Variants in KSR2 observed in about 807,000 individuals in gnomAD.
KSR2 encodes the protein kinase suppressor of ras 2.
KSR2 carries 25 observed loss-of-function variants against 107.8 expected under a neutral mutation model. That is an observed-to-expected ratio of 0.23 (90% CI 0.17 to 0.32). KSR2 has a LOEUF of 0.32. Among genes scored for constraint, KSR2 ranks in the 10% least tolerant of loss-of-function variants. The probability of loss-of-function intolerance (pLI) is 1.00; values close to 1 mark genes in which losing one functional copy is unlikely to be tolerated. For synonymous variants in KSR2, 480 were observed against 507.0 expected (o/e 0.95, Z 0.71); for missense variants, 887 against 1,268.9 (o/e 0.70, Z 4.57).
intron 3 of KSR2, among the ~76,000 whole-genome samples, chr12:117,824,995 C>T (rs1891691650): frequency 6.6e-6 from 1 of 151,898 alleles, no homozygotes; most frequent in Non-Finnish European, 1.5e-5. Context: ...GCCTGGCCAA[C>T]ATAGCGAAAC....
At chr12:117,757,952 A>C (rs1380150967) in intron 4 of KSR2, among the ~76,000 whole-genome samples, 4 of 152,228 alleles carry the variant, frequency 2.6e-5, no homozygotes, top group African/African-American at 9.6e-5. Flanking sequence ...AAGTTTTACA[A>C]AACAACACTA....
intron 3 of KSR2, among the ~76,000 whole-genome samples, chr12:117,806,684 C>G (rs1891019609): frequency 1.3e-5 from 2 of 152,160 alleles, no homozygotes; most frequent in Admixed American, 1.3e-4. Flanking sequence ...CTCCTCTCAG[C>G]CCCTGGCAAC....
intron 10 of KSR2, among the ~76,000 whole-genome samples, chr12:117,536,969 TTGGGAGGCCAAAGTGGG>T (rs1876097647): frequency 6.6e-6 from 1 of 152,210 alleles, no homozygotes; most frequent in African/African-American, 2.4e-5. Flanking sequence ...TCCCAGCACT[TTGGGAGGCCAAAGTGGG>T]TGGATCACCT....
intron 1 of KSR2, among the ~76,000 whole-genome samples, chr12:117,957,825 G>A (rs1896558091): frequency 7.6e-6 from 1 of 131,766 alleles, no homozygotes; most frequent in Non-Finnish European, 1.6e-5. Flanking sequence ...CTCACAGGCT[G>A]ACCACCTTTT....
intron 1 of KSR2, among the ~76,000 whole-genome samples, chr12:117,904,660 T>C (rs1894787030): frequency 6.6e-6 from 1 of 152,102 alleles, no homozygotes; most frequent in South Asian, 2.1e-4. Context: ...GAAAAAATAT[T>C]ATTATTCCCA....
intron 7 of KSR2, among the ~76,000 whole-genome samples, chr12:117,561,047 T>C (rs1878083274): frequency 6.6e-6 from 1 of 152,218 alleles, no homozygotes; most frequent in Non-Finnish European, 1.5e-5. Context: ...CTTATATTAA[T>C]GGCAAATTAT....
At chr12:117,609,580 C>T (rs1376523194) in intron 5 of KSR2, among the ~76,000 whole-genome samples, 1 of 152,144 alleles carries the variant, frequency 6.6e-6, no homozygotes, top group African/African-American at 2.4e-5. Context: ...TCTCAGTGTC[C>T]ATCAACAAAG....
rs1340777196 is a variant in KSR2 at position 117,660,959 on chromosome 12, CA to C, written c.1171+6514del. On this transcript the variant is annotated intron_variant, in intron 5 of 19. Coordinates refer to ENST00000339824, the MANE Select transcript of KSR2 (RefSeq NM_173598.6). ...CCTGGCTTCCTGGAAATCCAAGGGG[CA>C]AGTGTGCAGGGCACAGAAGGACCTT... Among the ~76,000 whole-genome samples, 4 of 152,142 alleles carry C rather than the reference CA, an allele frequency of 2.6e-5. No individual in the cohort carries two copies. The East Asian group carries it at 5.8e-4, about 22-fold the overall frequency.
intron 5 of KSR2, among the ~76,000 whole-genome samples, chr12:117,623,560 CA>C (rs1882307866): frequency 6.6e-6 from 1 of 152,200 alleles, no homozygotes; most frequent in Non-Finnish European, 1.5e-5. Flanking sequence ...GACATGAACT[CA>C]TCCTTTTTTA....
intron 4 of KSR2, among the ~76,000 whole-genome samples, chr12:117,730,844 A>G (rs1887643770): frequency 6.6e-6 from 1 of 152,036 alleles, no homozygotes; most frequent in Non-Finnish European, 1.5e-5. Flanking sequence ...CAGTGGCCTG[A>G]TCTCGGCTCG....
At chr12:117,514,978 C>T (rs1210713933) in intron 14 of KSR2, among the ~76,000 whole-genome samples, 1 of 152,200 alleles carries the variant, frequency 6.6e-6, no homozygotes, top group Non-Finnish European at 1.5e-5. Context: ...TTAGGAATGT[C>T]ACTCCCTTCT....
intron 7 of KSR2, among the ~76,000 whole-genome samples, chr12:117,568,636 T>C (rs1468376856): frequency 6.6e-6 from 1 of 152,134 alleles, no homozygotes; most frequent in Non-Finnish European, 1.5e-5. Flanking sequence ...TCCATAGTTG[T>C]GGCAAGGATT....
intron 1 of KSR2, among the ~76,000 whole-genome samples, chr12:117,951,897 A>G (rs1283696200): frequency 6.6e-6 from 1 of 152,164 alleles, no homozygotes; most frequent in Non-Finnish European, 1.5e-5. Flanking sequence ...CTGCTAAGTG[A>G]AATAAGGCAG....
At chr12:117,864,430 A>G (rs138520031) in intron 1 of KSR2, among the ~76,000 whole-genome samples, 3 of 152,328 alleles carry the variant, frequency 2.0e-5, no homozygotes, top group Admixed American at 6.5e-5. Context: ...ATATGTATAC[A>G]TACATGCATT....
intron 5 of KSR2, among the ~76,000 whole-genome samples, chr12:117,635,849 T>A (rs144472772): frequency 0.068 from 10,302 of 151,392 alleles, 443 homozygotes; most frequent in Middle Eastern, 0.12. Context: ...TAGAGTGCAG[T>A]GGCGCGATCT....
chr12:117,485,818 A>G (rs573008430), intron 14 of KSR2, 127 bp from the exon 15 acceptor site: 6 of 645,746 alleles, frequency 9.3e-6, no homozygotes, highest in South Asian at 3.5e-5. Flanking sequence ...TTATGAGATA[A>G]TAAGTCTGGG....
chr12:117,579,206 T>C lies in KSR2; in HGVS notation c.1242-4A>G. On this transcript the variant is annotated splice_region_variant and splice_polypyrimidine_tract_variant and intron_variant, in intron 6 of 19. Transcript: ENST00000339824. ...CATCCAGTACTTGGTGGAAAACCTG[T>C]GGAAAAGAGACAGAAAATGTTCAAG... 1 of 1,609,050 alleles carries C rather than the reference T, an allele frequency of 6.2e-7. No individual in the cohort carries two copies. The highest frequency in any genetic ancestry group is 8.5e-7 in the Non-Finnish European group (1 of 1,175,890).
chr12:117,726,961 G>T (rs1445181684), intron 4 of KSR2, among the ~76,000 whole-genome samples: 1 of 152,152 alleles, frequency 6.6e-6, no homozygotes, highest in East Asian at 1.9e-4. Context: ...AATGTACGTT[G>T]AAGTCTTAAC....
intron 4 of KSR2, among the ~76,000 whole-genome samples, chr12:117,680,135 C>A (rs1885307807): frequency 6.6e-6 from 1 of 152,136 alleles, no homozygotes; most frequent in Non-Finnish European, 1.5e-5. Flanking sequence ...TCTCTCTTGA[C>A]CTTCTGTGTC....
Sources: gnomAD v4.1 joint callset for allele counts (sites outside exome capture counted in the v4.1 genomes callset) on GRCh38, gnomAD v4.1.1 for gene constraint, MANE v1.5 for transcripts, NCBI Gene and HGNC (gene_info 2026-07-23, HGNC 2026-07-21) for gene names.